Variants in TSPAN9 observed in about 807,000 individuals in gnomAD.
TSPAN9 encodes the protein tetraspanin-9.
In TSPAN9, 16 loss-of-function variants were observed where a neutral mutation model predicts 31.0. The observed-to-expected ratio is 0.52, with a 90% confidence interval of 0.35 to 0.78. The LOEUF (loss-of-function observed/expected upper bound fraction) is 0.78. TSPAN9 is among the 30% of genes least tolerant of loss of function. TSPAN9 has a pLI of 0.01. For synonymous variants in TSPAN9, 145 were observed against 121.6 expected (o/e 1.19, Z -1.27); for missense variants, 272 against 312.5 (o/e 0.87, Z 0.98).
intron 2 of TSPAN9, among the ~76,000 whole-genome samples, chr12:3,179,862 A>G (rs1042697731): frequency 1.3e-5 from 2 of 152,238 alleles, no homozygotes; most frequent in African/African-American, 4.8e-5. Flanking sequence ...ACACATTTCC[A>G]CTGACAAGAC....
At chr12:3,199,782 C>T (rs753814959) in intron 2 of TSPAN9, among the ~76,000 whole-genome samples, 2 of 152,132 alleles carry the variant, frequency 1.3e-5, no homozygotes, top group African/African-American at 2.4e-5. Flanking sequence ...CAGAGGCCCC[C>T]GGCGCTTTCC....
At chr12:3,225,182 C>T (rs1396313438) in intron 3 of TSPAN9, among the ~76,000 whole-genome samples, 2 of 152,188 alleles carry the variant, frequency 1.3e-5, no homozygotes, top group South Asian at 2.1e-4. Context: ...GGAGGGGCCC[C>T]CAGCCTCCAG....
At chr12:3,174,753 T>G (rs2098354175) in intron 2 of TSPAN9, among the ~76,000 whole-genome samples, 1 of 125,372 alleles carries the variant, frequency 8.0e-6, no homozygotes, top group African/African-American at 2.5e-5. Flanking sequence ...CGGCTAATTT[T>G]TTGTATTTTT....
chr12:3,082,697 T>G (rs941788301), intron 1 of TSPAN9, among the ~76,000 whole-genome samples: 1 of 152,126 alleles, frequency 6.6e-6, no homozygotes, highest in African/African-American at 2.4e-5. Context: ...CAGGATCATT[T>G]GTAACTTGAT....
At chr12:3,238,449 G>A (rs1341592160) in intron 3 of TSPAN9, among the ~76,000 whole-genome samples, 2 of 152,158 alleles carry the variant, frequency 1.3e-5, no homozygotes, top group African/African-American at 2.4e-5. Flanking sequence ...TTCTTCCCAC[G>A]ATGCCCTTCG....
intron 2 of TSPAN9, among the ~76,000 whole-genome samples, chr12:3,166,466 A>C (rs896566170): frequency 5.3e-5 from 8 of 152,250 alleles, no homozygotes; most frequent in African/African-American, 1.9e-4. Context: ...AGATGAAAAA[A>C]GACTAGTATT....
At chr12:3,144,164 G>A (rs1375238538) in intron 2 of TSPAN9, among the ~76,000 whole-genome samples, 2 of 151,912 alleles carry the variant, frequency 1.3e-5, no homozygotes, top group African/African-American at 4.8e-5. Flanking sequence ...GCAGTGGTGC[G>A]ATCTTGGCTC....
At position 3,094,380 on chromosome 12, in the gene TSPAN9, A is replaced by G. The variant is rs189588285; in HGVS notation, c.-18+10661A>G. Among the ~76,000 whole-genome samples the G allele has an allele frequency of 1.4e-3, 208 of 152,012 alleles. 2 individuals are homozygous for G. Among genetic ancestry groups the G allele is most frequent in the Non-Finnish European group, 1.2e-3 (80 of 67,988 alleles). On this transcript the variant is annotated intron_variant, in intron 2 of 8. Coordinates refer to ENST00000011898, the MANE Select transcript of TSPAN9 (RefSeq NM_006675.5). ...TGTGGAAACTGCAGCAGAGCAGAAG[A>G]CTCCAGGGACCTCCCCATGCCTCTC...
chr12:3,087,237 A>C (rs539808764), intron 2 of TSPAN9, among the ~76,000 whole-genome samples: 2 of 152,308 alleles, frequency 1.3e-5, no homozygotes, highest in East Asian at 3.9e-4. Context: ...AGATCAGTAT[A>C]GGCCAGACAC....
chr12:3,272,641 G>A (rs1181598555), intron 3 of TSPAN9, among the ~76,000 whole-genome samples: 9 of 152,208 alleles, frequency 5.9e-5, no homozygotes, highest in East Asian at 5.8e-4. Flanking sequence ...TGGGCCCGGC[G>A]CTGGCAGAGG....
At chr12:3,138,359 G>A (rs71458044) in intron 2 of TSPAN9, among the ~76,000 whole-genome samples, 2,514 of 152,248 alleles carry the variant, frequency 0.017, 37 homozygotes, top group Non-Finnish European at 0.027. Context: ...TCCCGGAGTC[G>A]GTTAGAGGAG....
chr12:3,174,758 A>AT (rs1333933706), intron 2 of TSPAN9, among the ~76,000 whole-genome samples: 7 of 124,130 alleles, frequency 5.6e-5, no homozygotes, highest in Non-Finnish European at 7.6e-5. Context: ...AATTTTTTGT[A>AT]TTTTTAGTAG....
chr12:3,158,146 C>T (rs537580322), intron 2 of TSPAN9, among the ~76,000 whole-genome samples: 8 of 152,314 alleles, frequency 5.3e-5, no homozygotes, highest in Admixed American at 2.0e-4. Context: ...TCTGAGGGCT[C>T]CCCTCGGAGC....
intron 2 of TSPAN9, among the ~76,000 whole-genome samples, chr12:3,148,528 A>G (rs1367147238): frequency 6.6e-6 from 1 of 152,134 alleles, no homozygotes; most frequent in Non-Finnish European, 1.5e-5. Flanking sequence ...CAGGGTATGG[A>G]ACGTGGGCAG....
chr12:3,140,986 T>G (rs36077100), intron 2 of TSPAN9, among the ~76,000 whole-genome samples: 1 of 147,988 alleles, frequency 6.8e-6, no homozygotes. Flanking sequence ...GGGGAAGGGC[T>G]GTGGGAAGTG....
At chr12:3,118,147 G>A (rs947431807) in intron 2 of TSPAN9, among the ~76,000 whole-genome samples, 32 of 151,450 alleles carry the variant, frequency 2.1e-4, no homozygotes, top group African/African-American at 7.3e-4. Flanking sequence ...GAGTTGATAC[G>A]TGAAGCATGT....
intron 2 of TSPAN9, among the ~76,000 whole-genome samples, chr12:3,142,070 A>G (rs1184726601): frequency 6.6e-6 from 1 of 152,184 alleles, no homozygotes; most frequent in Admixed American, 6.5e-5. Flanking sequence ...ATCCTGTGTG[A>G]CAGGTGCCTT....
intron 2 of TSPAN9, among the ~76,000 whole-genome samples, chr12:3,165,444 A>T (rs1481014913): frequency 6.6e-6 from 1 of 152,168 alleles, no homozygotes; most frequent in Non-Finnish European, 1.5e-5. Flanking sequence ...GGACTTGGAG[A>T]TGACCGCCAG....
At chr12:3,259,802 C>T (rs1343559183) in intron 3 of TSPAN9, among the ~76,000 whole-genome samples, 1 of 152,176 alleles carries the variant, frequency 6.6e-6, no homozygotes, top group Admixed American at 6.5e-5. Flanking sequence ...GGACTCTGTT[C>T]CACATGTGAG....
Sources: gnomAD v4.1 joint callset for allele counts (sites outside exome capture counted in the v4.1 genomes callset) on GRCh38, gnomAD v4.1.1 for gene constraint, MANE v1.5 for transcripts, NCBI Gene and HGNC (gene_info 2026-07-23, HGNC 2026-07-21) for gene names.